Variants in RSF1 observed in about 807,000 individuals in gnomAD.
The protein encoded by RSF1 is HBV pX-associated protein 8.
Under a neutral mutation model 145.2 loss-of-function variants are expected in RSF1, and 13 were observed. That is an observed-to-expected ratio of 0.09 (90% CI 0.06 to 0.14). The LOEUF (loss-of-function observed/expected upper bound fraction) is 0.14, where lower values mean the gene tolerates loss of function less well. Among genes scored for constraint, RSF1 ranks in the 10% least tolerant of loss-of-function variants. The probability of loss-of-function intolerance (pLI) is 1.00; values close to 1 mark genes in which losing one functional copy is unlikely to be tolerated. For synonymous variants in RSF1, 577 were observed against 592.6 expected, an observed-to-expected ratio of 0.97 and a Z score of 0.38; for missense variants, 1,517 against 1,718.2, an observed-to-expected ratio of 0.88 and a Z score of 2.07.
chr11:77,678,013 C>T (rs1047881722), intron 12 of RSF1, 73 bp downstream of exon 12: 1 of 950,482 alleles, frequency 1.1e-6, no homozygotes, highest in Non-Finnish European at 1.7e-6. Context: ...CATATGCTCA[C>T]TGCCCTAATT....
chr11:77,772,930 C>T (rs1948302808), intron 1 of RSF1, among the ~76,000 whole-genome samples: 1 of 149,718 alleles, frequency 6.7e-6, no homozygotes, highest in South Asian at 2.1e-4. Context: ...CGATGTTTCT[C>T]AAAGTATCAA....
chr11:77,788,719 T>TA (rs1366742959), intron 1 of RSF1, among the ~76,000 whole-genome samples: 1 of 152,078 alleles, frequency 6.6e-6, no homozygotes, highest in East Asian at 1.9e-4. Flanking sequence ...ATTACAAAGC[T>TA]AAAAATTCAT....
chr11:77,687,920 T>C (rs1261139588), intron 9 of RSF1, among the ~76,000 whole-genome samples: 3 of 152,186 alleles, frequency 2.0e-5, no homozygotes, highest in Non-Finnish European at 4.4e-5. Flanking sequence ...CACATATAAA[T>C]GGTATAAGCA....
Position 77,701,580 on chromosome 11 carries a change from A to C in RSF1, c.1649T>G (p.Leu550Arg). The C allele has an allele frequency of 6.2e-7, 1 of 1,613,998 alleles. No individual in the cohort carries two copies. The highest frequency in any genetic ancestry group is 8.5e-7 in the Non-Finnish European group (1 of 1,179,974). The change falls in exon 6 of 16, where the codon CTC (leucine) becomes CGC (arginine). Residue 550 changes from leucine to arginine, a missense_variant. Leu to Arg is a moderately radical substitution (Grantham distance 102). Coordinates refer to ENST00000308488, the MANE Select transcript of RSF1 (RefSeq NM_016578.4). ...GGAAGATAAAGCAGTTTTTGAAGAG[A>C]GATCTTTTGCCATCTCAGAAGAATC... ...SLDSSEMAKD[L>R]SSKTALSSTE...
chr11:77,852,751 T>A, the RSF1 span, among the ~76,000 whole-genome samples: 1 of 152,090 alleles, frequency 6.6e-6, no homozygotes, highest in African/African-American at 2.4e-5. Context: ...AATACATATA[T>A]AAATAATTTT....
At chr11:77,854,443 C>T in the RSF1 span, among the ~76,000 whole-genome samples, 1 of 152,208 alleles carries the variant, frequency 6.6e-6, no homozygotes, top group Non-Finnish European at 1.5e-5. Flanking sequence ...TAGGCATTGG[C>T]TAAATACTTC....
rs1428753172 is a variant in RSF1 at position 77,678,364 on chromosome 11, G to GT, written c.3066-212dup. Among the ~76,000 whole-genome samples, 6 of 151,976 alleles carry GT rather than the reference G, an allele frequency of 3.9e-5. No individual in the cohort carries two copies. The East Asian group carries it at 1.2e-3, about 29-fold the overall frequency. ...CCCGAGTAGCTGGGACTACAGACGC[G>GT]TGCCACCAAACCCAGCTAATTTTTG... On this transcript the variant is annotated intron_variant, in intron 11 of 15. Transcript: ENST00000308488.
chr11:77,799,078 T>C (rs553902217), intron 1 of RSF1, among the ~76,000 whole-genome samples: 2 of 151,984 alleles, frequency 1.3e-5, no homozygotes, highest in East Asian at 3.9e-4. Flanking sequence ...GTCAACAGTG[T>C]GAAGACACAA....
the RSF1 span, among the ~76,000 whole-genome samples, chr11:77,863,960 CTT>C: frequency 2.6e-5 from 4 of 151,588 alleles, no homozygotes; most frequent in Non-Finnish European, 5.9e-5. Flanking sequence ...GAGTTTCACT[CTT>C]TTCGCCCAGG....
the RSF1 span, among the ~76,000 whole-genome samples, chr11:77,847,172 ACT>A: frequency 9.0e-3 from 1,371 of 152,220 alleles, 21 homozygotes; most frequent in African/African-American, 0.03. Flanking sequence ...AAAATGGAAG[ACT>A]CTGAAAATGG....
intron 1 of RSF1, chr11:77,813,250 A>C (rs1399484804): frequency 3.3e-6 from 2 of 597,984 alleles, no homozygotes; most frequent in African/African-American, 3.7e-5. Flanking sequence ...TCTAATGATG[A>C]ATGGGATCAA....
Position 77,678,164 on chromosome 11 carries a change from C to T in RSF1, c.3066-11G>A, listed in dbSNP as rs1337858491. On this transcript the variant is annotated splice_polypyrimidine_tract_variant and intron_variant, in intron 11 of 15. Coordinates refer to ENST00000308488, the MANE Select transcript of RSF1 (RefSeq NM_016578.4). ...TCAAACTCATCAAATCTAAAATATACACAATGATCACATTATAGCCTGTCC... is the reference window on the plus strand; with the variant it reads ...TCAAACTCATCAAATCTAAAATATATACAATGATCACATTATAGCCTGTCC... 6.6e-7 allele frequency: 1 copy of T among 1,525,332 alleles called. No homozygotes were observed. Among genetic ancestry groups the T allele is most frequent in the South Asian group, 1.1e-5 (1 of 88,456 alleles). The allele number at this position is 1,525,332 out of a possible 1,614,324, so 94.5% of individuals were successfully genotyped here.
chr11:77,710,020 A>G (rs1389890914), intron 5 of RSF1, among the ~76,000 whole-genome samples: 1 of 152,198 alleles, frequency 6.6e-6, no homozygotes, highest in Non-Finnish European at 1.5e-5. Context: ...AACCACACAA[A>G]ACAAATGCAT....
intron 8 of RSF1, among the ~76,000 whole-genome samples, chr11:77,691,481 G>C (rs1219716063): frequency 6.6e-6 from 1 of 152,138 alleles, no homozygotes; most frequent in East Asian, 1.9e-4. Context: ...CGGATTCTGT[G>C]CCTATCCTAC....
intron 3 of RSF1, among the ~76,000 whole-genome samples, chr11:77,742,885 T>C (rs1259154692): frequency 2.0e-5 from 3 of 152,176 alleles, no homozygotes; most frequent in African/African-American, 7.2e-5. Flanking sequence ...TTCGGGTCTA[T>C]ATGTAAGTCT....
chr11:77,777,073 A>G (rs901254652), intron 1 of RSF1, among the ~76,000 whole-genome samples: 25 of 152,182 alleles, frequency 1.6e-4, no homozygotes, highest in African/African-American at 5.5e-4. Context: ...CACCTCACTT[A>G]AACAATTATA....
chr11:77,744,651 C>G lies in RSF1; in HGVS notation c.372+2385G>C, dbSNP rs569993240. Among the ~76,000 whole-genome samples, 3 of 152,304 alleles carry G rather than the reference C, an allele frequency of 2.0e-5. No homozygotes were observed. In the East Asian group the frequency reaches 5.8e-4, roughly 29 times the overall value. ...GCATAGGATGAACAATCCTTGCATT[C>G]TGGGATAAATCCCACTTGATCATGG... On this transcript the variant is annotated intron_variant, in intron 3 of 15. Coordinates refer to ENST00000308488, the MANE Select transcript of RSF1 (RefSeq NM_016578.4).
chr11:77,850,500 A>C, the RSF1 span: 1 of 152,152 alleles, frequency 6.6e-6, no homozygotes, highest in Admixed American at 6.6e-5. Context: ...ATAGATCATC[A>C]TTCATGTGTC....
intron 1 of RSF1, among the ~76,000 whole-genome samples, chr11:77,802,679 G>T (rs955814969): frequency 6.6e-6 from 1 of 152,208 alleles, no homozygotes; most frequent in Non-Finnish European, 1.5e-5. Flanking sequence ...AAGTAGCTGG[G>T]ATTACAGGCA....
Sources: gnomAD v4.1 joint callset for allele counts (sites outside exome capture counted in the v4.1 genomes callset) on GRCh38, gnomAD v4.1.1 for gene constraint, MANE v1.5 for transcripts, NCBI Gene and HGNC (gene_info 2026-07-23, HGNC 2026-07-21) for gene names.